Variants in SPAG16 observed in about 807,000 individuals in gnomAD.
SPAG16 encodes sperm associated antigen 16.
In SPAG16, 86 loss-of-function variants were observed where a neutral mutation model predicts 80.4. That is an observed-to-expected ratio of 1.07 (90% CI 0.90 to 1.28). The LOEUF (loss-of-function observed/expected upper bound fraction) is 1.28, where lower values mean the gene tolerates loss of function less well. Among genes scored for constraint, SPAG16 ranks in the 50% most tolerant of loss-of-function variants. The pLI is 0.00. For synonymous variants in SPAG16, 294 were observed against 265.9 expected, an observed-to-expected ratio of 1.11 and a Z score of -1.03; for missense variants, 870 against 765.3, an observed-to-expected ratio of 1.14 and a Z score of -1.61.
At chr2:213,434,463 A>G (rs1457474021) in intron 9 of SPAG16, among the ~76,000 whole-genome samples, 10 of 152,214 alleles carry the variant, frequency 6.6e-5, no homozygotes, top group Admixed American at 6.5e-4. Flanking sequence ...ACAAAAATAG[A>G]TAAGTGGGAC....
chr2:213,501,957 A>G (rs909800112), intron 10 of SPAG16, among the ~76,000 whole-genome samples: 6 of 152,242 alleles, frequency 3.9e-5, no homozygotes, highest in African/African-American at 7.2e-5. Flanking sequence ...AATTAGCCCA[A>G]TCAAATGATG....
intron 15 of SPAG16, among the ~76,000 whole-genome samples, chr2:214,354,399 T>C (rs1187082883): frequency 6.6e-6 from 1 of 152,194 alleles, no homozygotes; most frequent in Non-Finnish European, 1.5e-5. Context: ...TTGGTTACTG[T>C]AGAGTTGTAG....
intron 9 of SPAG16, among the ~76,000 whole-genome samples, chr2:213,390,421 A>G (rs1003661371): frequency 1.2e-4 from 19 of 152,256 alleles, no homozygotes; most frequent in Non-Finnish European, 2.8e-4. Context: ...TACAATAAAA[A>G]CATTATTAAA....
At position 213,379,507 on chromosome 2, in the gene SPAG16, G is replaced by A. The variant is rs115396376; in HGVS notation, c.942+4388G>A. On this transcript the variant is annotated intron_variant, in intron 9 of 15. Coordinates refer to ENST00000331683, the MANE Select transcript of SPAG16 (RefSeq NM_024532.5). ...CATAAAGTGAGTGCTTTGGTCAGAGGCAATGCTGTGTGGAACAACATGATG... is the reference window on the plus strand; with the variant it reads ...CATAAAGTGAGTGCTTTGGTCAGAGACAATGCTGTGTGGAACAACATGATG... 1.7e-3 allele frequency among the ~76,000 whole-genome samples: 257 copies of A among 152,308 alleles called. 1 individual carries two copies. Among genetic ancestry groups the A allele is most frequent in the African/African-American group, 5.8e-3 (241 of 41,572 alleles).
intron 6 of SPAG16, among the ~76,000 whole-genome samples, chr2:213,347,957 C>T (rs549113259): frequency 4.6e-5 from 7 of 152,162 alleles, no homozygotes; most frequent in African/African-American, 1.4e-4. Context: ...CTTTCTGTCT[C>T]GTTGATCTGT....
intron 10 of SPAG16, among the ~76,000 whole-genome samples, chr2:213,785,435 T>C (rs1479113640): frequency 6.6e-6 from 1 of 152,216 alleles, no homozygotes; most frequent in African/African-American, 2.4e-5. Context: ...ATTCATTTCA[T>C]ATTAACATTC....
intron 1 of SPAG16, among the ~76,000 whole-genome samples, chr2:213,294,854 A>T (rs2062434785): frequency 6.6e-6 from 1 of 152,210 alleles, no homozygotes; most frequent in South Asian, 2.1e-4. Flanking sequence ...TGAAACCTAA[A>T]CATCTGGGCT....
intron 10 of SPAG16, among the ~76,000 whole-genome samples, chr2:213,632,329 C>A (rs892814677): frequency 6.6e-6 from 1 of 152,078 alleles, no homozygotes. Context: ...ATTTTGTATC[C>A]TGTAACTTTA....
intron 9 of SPAG16, among the ~76,000 whole-genome samples, chr2:213,478,394 T>A (rs996133848): frequency 6.6e-6 from 1 of 152,186 alleles, no homozygotes; most frequent in African/African-American, 2.4e-5. Context: ...AATAAAACAC[T>A]GTCTATATCA....
chr2:213,831,255 G>C (rs1005867466), intron 10 of SPAG16, among the ~76,000 whole-genome samples: 5 of 151,632 alleles, frequency 3.3e-5, no homozygotes, highest in Non-Finnish European at 5.9e-5. Flanking sequence ...GGCCAGGCTG[G>C]TCTCGAACTC....
At chr2:213,901,977 C>T (rs1289702347) in intron 11 of SPAG16, among the ~76,000 whole-genome samples, 1 of 152,154 alleles carries the variant, frequency 6.6e-6, no homozygotes, top group East Asian at 1.9e-4. Context: ...CTATCACAAG[C>T]TCTGGATCCT....
At chr2:214,334,416 G>T (rs917668813) in intron 15 of SPAG16, among the ~76,000 whole-genome samples, 1 of 152,210 alleles carries the variant, frequency 6.6e-6, no homozygotes, top group Non-Finnish European at 1.5e-5. Flanking sequence ...TCACCCAGAT[G>T]TCCCATCTGA....
chr2:213,884,711 A>G (rs2076487591), intron 11 of SPAG16, among the ~76,000 whole-genome samples: 1 of 152,156 alleles, frequency 6.6e-6, no homozygotes, highest in Non-Finnish European at 1.5e-5. Context: ...GTTTATTTTT[A>G]TCTTACTGTG....
chr2:214,388,954 AC>A (rs920766796), intron 15 of SPAG16, among the ~76,000 whole-genome samples: 4 of 152,226 alleles, frequency 2.6e-5, no homozygotes, highest in Non-Finnish European at 4.4e-5. Context: ...AGAAGCGAGA[AC>A]GTAAAAGCTC....
At chr2:213,438,799 A>G (rs1604689) in intron 9 of SPAG16, among the ~76,000 whole-genome samples, 14,836 of 152,298 alleles carry the variant, frequency 0.097, 1,890 homozygotes, top group African/African-American at 0.29. Flanking sequence ...GCATAGGTCT[A>G]ACCTAATCAG....
At chr2:213,497,446 G>GTTTT (rs369848596) in intron 10 of SPAG16, among the ~76,000 whole-genome samples, 1 of 136,706 alleles carries the variant, frequency 7.3e-6, no homozygotes, top group Non-Finnish European at 1.6e-5. Flanking sequence ...GTTCTACCTT[G>GTTTT]TTTTTTTTTT....
At chr2:214,199,083 C>A (rs553235611) in intron 15 of SPAG16, among the ~76,000 whole-genome samples, 1 of 152,168 alleles carries the variant, frequency 6.6e-6, no homozygotes, top group East Asian at 1.9e-4. Flanking sequence ...GTTTCTTTTG[C>A]TGTGCGGAGG....
chr2:214,055,306 A>C (rs1202869312), intron 13 of SPAG16, among the ~76,000 whole-genome samples: 1 of 152,160 alleles, frequency 6.6e-6, no homozygotes, highest in African/African-American at 2.4e-5. Context: ...TGAATCCTAT[A>C]AACTAATGAG....
At chr2:213,689,000 C>A (rs2064815822) in intron 10 of SPAG16, among the ~76,000 whole-genome samples, 1 of 152,092 alleles carries the variant, frequency 6.6e-6, no homozygotes, top group African/African-American at 2.4e-5. Flanking sequence ...CACTCTGTTG[C>A]CCAGGCTGGA....
Sources: gnomAD v4.1 joint callset for allele counts (sites outside exome capture counted in the v4.1 genomes callset) on GRCh38, gnomAD v4.1.1 for gene constraint, MANE v1.5 for transcripts, NCBI Gene and HGNC (gene_info 2026-07-23, HGNC 2026-07-21) for gene names.